C2orf42: variants seen among roughly 807,000 people sequenced by gnomAD.
C2orf42 encodes the protein chromosome 2 open reading frame 42, also known as uncharacterized protein C2orf42.
In C2orf42, 44 loss-of-function variants were observed where a neutral mutation model predicts 58.9. That is an observed-to-expected ratio of 0.75 (90% CI 0.59 to 0.96). The LOEUF is 0.96. Among genes scored for constraint, C2orf42 ranks in the 40% least tolerant of loss-of-function variants. The pLI is 0.00. For missense variants in C2orf42, 630 were observed against 699.2 expected, an observed-to-expected ratio of 0.90 and a Z score of 1.12; for synonymous variants, 239 against 265.4, an observed-to-expected ratio of 0.90 and a Z score of 0.97.
At chr2:70,189,136 G>A (rs996556259) in intron 1 of C2orf42, among the ~76,000 whole-genome samples, 6 of 151,926 alleles carry the variant, frequency 3.9e-5, no homozygotes, top group Admixed American at 1.3e-4. Flanking sequence ...GGCCGGGCAC[G>A]GTGGCTCACA....
At chr2:70,164,102 A>G (rs1673239052) in intron 8 of C2orf42, among the ~76,000 whole-genome samples, 1 of 151,296 alleles carries the variant, frequency 6.6e-6, no homozygotes, top group African/African-American at 2.4e-5. Context: ...GCTCGAGTCC[A>G]GGAATTTGAG....
At chr2:70,150,646 G>T in intron 9 of C2orf42, 82 bp from the exon 10 acceptor site, 1 of 933,600 alleles carries the variant, frequency 1.1e-6, no homozygotes, top group Non-Finnish European at 1.7e-6. Context: ...GTCCGGAATT[G>T]GAGCAGCCTG....
At chr2:70,165,868 CAAAG>C (rs1673364479) in intron 6 of C2orf42, among the ~76,000 whole-genome samples, 1 of 151,950 alleles carries the variant, frequency 6.6e-6, no homozygotes, top group African/African-American at 2.4e-5. Context: ...GCCTGGGCAA[CAAAG>C]AAAGACCCAG....
rs756703212 is a variant in C2orf42 at position 70,179,650 on chromosome 2, AAAG to A, written c.824-11_824-9del. 5.2e-5 allele frequency: 61 copies of A among 1,163,240 alleles called. No individual in the cohort carries two copies. The highest frequency in any genetic ancestry group is 3.9e-4 in the Middle Eastern group (2 of 5,098). The allele number at this position is 1,163,240 out of a possible 1,614,324, so 72.1% of individuals were successfully genotyped here. ...CAATAATCTCTTTAAGACCTAAAAA[AAAG>A]AAGATTTCTGAATTATTAATCCTAT... On this transcript the variant is annotated splice_polypyrimidine_tract_variant and intron_variant, in intron 3 of 9. Transcript: ENST00000264434.
intron 9 of C2orf42, among the ~76,000 whole-genome samples, chr2:70,157,920 GCCGGGCTTGGTGGCT>G (rs1274679232): frequency 6.6e-6 from 1 of 151,950 alleles, no homozygotes; most frequent in Non-Finnish European, 1.5e-5. Context: ...AGAAATTAAG[GCCGGGCTTGGTGGCT>G]CACGTCTATA....
At position 70,160,806 on chromosome 2, in the gene C2orf42, C is replaced by T. The variant is rs747590323; in HGVS notation, c.1354-19G>A. ...AGGGCATCTGGACACCAAGACAATA[C>T]CAAAAAAAGGTGAGAGAGAAAACTT... On this transcript the variant is annotated intron_variant, in intron 8 of 9. Transcript: ENST00000264434. 1 of 1,534,124 alleles carries T rather than the reference C, an allele frequency of 6.5e-7. No individual in the cohort carries two copies. The highest frequency in any genetic ancestry group is 2.3e-5 in the Admixed American group (1 of 42,846).
At chr2:70,173,615 TTTA>T (rs1239590817) in intron 5 of C2orf42, among the ~76,000 whole-genome samples, 1 of 151,222 alleles carries the variant, frequency 6.6e-6, no homozygotes, top group African/African-American at 2.4e-5. Context: ...TTAGTATTGT[TTTA>T]TATTATTCTT....
intron 9 of C2orf42, among the ~76,000 whole-genome samples, chr2:70,155,569 C>T (rs989018373): frequency 2.0e-5 from 3 of 151,884 alleles, no homozygotes; most frequent in Non-Finnish European, 4.4e-5. Flanking sequence ...GAGGCCAAAG[C>T]GGGTGGATCA....
intron 9 of C2orf42, among the ~76,000 whole-genome samples, chr2:70,152,987 C>G (rs571038369): frequency 7.0e-4 from 105 of 150,988 alleles, no homozygotes; most frequent in Middle Eastern, 3.4e-3. Flanking sequence ...GAGCCAAGAT[C>G]GCACCACTGC....
At chr2:70,157,247 G>T (rs529392161) in intron 9 of C2orf42, among the ~76,000 whole-genome samples, 27 of 149,616 alleles carry the variant, frequency 1.8e-4, no homozygotes, top group Admixed American at 3.3e-4. Flanking sequence ...GAGGTCAGGA[G>T]ATCGAGACCA....
In C2orf42 at chr2:70,150,892, C is replaced by T. The variant is rs533899549; in HGVS notation, c.1517-328G>A. ...TCCTGAGTAGCTGGGATTACAGGCACGTGCCACCACACCTGGCTAATTTTT... is the reference window on the plus strand; with the variant it reads ...TCCTGAGTAGCTGGGATTACAGGCATGTGCCACCACACCTGGCTAATTTTT... On this transcript the variant is annotated intron_variant, in intron 9 of 9. Transcript: ENST00000264434. 7.9e-5 allele frequency among the ~76,000 whole-genome samples: 12 copies of T among 152,218 alleles called. No homozygotes were observed. The South Asian group carries it at 1.2e-3, about 16-fold the overall frequency.
chr2:70,154,275 A>C (rs1672505264), intron 9 of C2orf42, among the ~76,000 whole-genome samples: 1 of 151,232 alleles, frequency 6.6e-6, no homozygotes, highest in Non-Finnish European at 1.5e-5. Context: ...TAAAATCTAC[A>C]TGGTCAGCTG....
rs1672240967 is a variant in C2orf42 at position 70,150,481 on chromosome 2, C to T, written c.1600G>A (p.Glu534Lys). The T allele has an allele frequency of 1.9e-6, 3 of 1,614,050 alleles. No homozygotes were observed. Among genetic ancestry groups the T allele is most frequent in the Non-Finnish European group, 2.5e-6 (3 of 1,179,960 alleles). ...PDILPQSKIGELRIKFEYGHH... is the reference protein window; with the variant it reads ...PDILPQSKIGKLRIKFEYGHH... The stretch of plus-strand genomic sequence containing the variant: ...CCATACTCAAACTTGATCCGCAGCT[C>T]GCCAATCTTAGATTGGGGAAGGATA... Residue 534 changes from glutamate (E) to lysine (K), a missense_variant, in exon 10 of 10, where the codon GAG (glutamate) becomes AAG (lysine). By Grantham distance (56) the Glu-to-Lys change is moderately conservative. Transcript: ENST00000264434.
intron 1 of C2orf42, among the ~76,000 whole-genome samples, chr2:70,189,832 C>T (rs1269509485): frequency 6.6e-6 from 1 of 151,458 alleles, no homozygotes; most frequent in Non-Finnish European, 1.5e-5. Context: ...TCAAGACCAG[C>T]CTGGGCAACA....
intron 8 of C2orf42, among the ~76,000 whole-genome samples, chr2:70,163,298 G>A (rs546761690): frequency 6.6e-6 from 1 of 151,884 alleles, no homozygotes; most frequent in Non-Finnish European, 1.5e-5. Flanking sequence ...AGGCTGGAGT[G>A]CAGTGGTGCG....
chr2:70,190,023 G>C (rs1290194385), intron 1 of C2orf42, among the ~76,000 whole-genome samples: 1 of 152,032 alleles, frequency 6.6e-6, no homozygotes, highest in East Asian at 1.9e-4. Flanking sequence ...CAGAAGAAAC[G>C]ACATGGGATT....
At chr2:70,163,307 C>T (rs193283229) in intron 8 of C2orf42, among the ~76,000 whole-genome samples, 200 of 151,870 alleles carry the variant, frequency 1.3e-3, no homozygotes, top group Non-Finnish European at 2.3e-3. Context: ...TGCAGTGGTG[C>T]GATCTCGGCT....
chr2:70,167,164 C>T (rs1319431876), intron 6 of C2orf42, among the ~76,000 whole-genome samples: 13 of 151,906 alleles, frequency 8.6e-5, no homozygotes, highest in African/African-American at 2.7e-4. Context: ...TGAGACCATC[C>T]TGGCTAACAT....
intron 1 of C2orf42, among the ~76,000 whole-genome samples, chr2:70,184,959 G>A (rs939785279): frequency 8.6e-5 from 13 of 151,772 alleles, no homozygotes; most frequent in African/African-American, 2.7e-4. Context: ...GCGTGGTGGC[G>A]GGCACCTGTA....
Sources: gnomAD v4.1 joint callset for allele counts (sites outside exome capture counted in the v4.1 genomes callset) on GRCh38, gnomAD v4.1.1 for gene constraint, MANE v1.5 for transcripts, NCBI Gene and HGNC (gene_info 2026-07-23, HGNC 2026-07-21) for gene names.